Variants in COG3 observed in about 807,000 individuals in gnomAD.
COG3 encodes the protein component of oligomeric golgi complex 3, also known as conserved oligomeric Golgi complex subunit 3.
In COG3, 32 loss-of-function variants were observed where a neutral mutation model predicts 114.1. The ratio of observed to expected loss-of-function variants is 0.28; its 90% CI spans 0.21 to 0.38. The LOEUF is 0.38. Ranked by LOEUF, COG3 falls within the 10% of genes least tolerant of loss-of-function variation. The probability of loss-of-function intolerance (pLI) is 1.00; values close to 1 mark genes in which losing one functional copy is unlikely to be tolerated. For synonymous variants in COG3, 352 were observed against 365.7 expected (o/e 0.96, Z 0.43); for missense variants, 813 against 973.2 (o/e 0.84, Z 2.19).
At chr13:45,515,503 A>G (rs1184309721) in intron 16 of COG3, among the ~76,000 whole-genome samples, 2 of 152,176 alleles carry the variant, frequency 1.3e-5, no homozygotes, top group Non-Finnish European at 2.9e-5. Flanking sequence ...ATTATTCAGT[A>G]TTTGAGGATT....
At position 45,497,815 on chromosome 13, in the gene COG3, CAACA is replaced by C. The variant is rs1184628956; in HGVS notation, c.1488+1506_1488+1509del. Among the ~76,000 whole-genome samples, 1,066 of 143,136 alleles carry C rather than the reference CAACA, an allele frequency of 7.4e-3. 14 individuals are homozygous for C. The highest frequency in any genetic ancestry group is 0.029 in the African/African-American group (984 of 33,524). 93.9% of individuals were successfully genotyped at this position (143,136 alleles called of 152,430 possible). A position where few individuals can be genotyped will look rare whatever the true frequency, so the allele number is the denominator to read the frequency against. On this transcript the variant is annotated intron_variant, in intron 13 of 22. Transcript: ENST00000349995. ...ACAACAACAACAACAACAACAACAA[CAACA>C]AAGTATGACCACTCAAGGCTAAGCA... is the stretch of plus-strand genomic sequence containing the variant.
intron 13 of COG3, among the ~76,000 whole-genome samples, chr13:45,500,059 T>TGAGA (rs879489399): frequency 5.6e-5 from 3 of 53,192 alleles, no homozygotes; most frequent in Non-Finnish European, 1.0e-4. Context: ...TGTGTGTGTG[T>TGAGA]GTGTGTGAGT....
chr13:45,474,147 T>C, intron 1 of COG3, among the ~76,000 whole-genome samples: 1 of 130,588 alleles, frequency 7.7e-6, no homozygotes, highest in Admixed American at 9.7e-5. Flanking sequence ...TTTTCTTTTT[T>C]ACTCTTTTTT....
chr13:45,500,094 G>GTGTGTGTGTGTGTATATATATA, intron 13 of COG3, among the ~76,000 whole-genome samples: 1 of 114,890 alleles, frequency 8.7e-6, no homozygotes, highest in African/African-American at 3.5e-5. Flanking sequence ...GTGTGTGTGT[G>GTGTGTGTGTGTGTATATATATA]TATATATATA....
intron 16 of COG3, among the ~76,000 whole-genome samples, chr13:45,512,777 G>A (rs1871012039): frequency 6.6e-6 from 1 of 151,838 alleles, no homozygotes; most frequent in African/African-American, 2.4e-5. Context: ...CAGGTACCTG[G>A]CTAAATTTTT....
intron 22 of COG3, among the ~76,000 whole-genome samples, chr13:45,533,391 C>T (rs1873340072): frequency 6.6e-6 from 1 of 151,932 alleles, no homozygotes. Context: ...TATCCTTTAC[C>T]CCATTTTCAT....
At chr13:45,489,249 T>G (rs889763431) in intron 8 of COG3, among the ~76,000 whole-genome samples, 1 of 25,268 alleles carries the variant, frequency 4.0e-5, no homozygotes, top group Non-Finnish European at 7.2e-5. Context: ...TTTGACAAAG[T>G]GAGACCCAGC....
At chr13:45,486,449 G>T in intron 7 of COG3, 46 bp from the exon 8 acceptor site, 1 of 1,200,330 alleles carries the variant, frequency 8.3e-7, no homozygotes, top group Non-Finnish European at 1.2e-6. Context: ...TGAATTATTT[G>T]TTTGCTAATT....
At position 45,511,810 on chromosome 13, in the gene COG3, A is replaced by C. The variant is rs552525063; in HGVS notation, c.1765A>C (p.Ile589Leu). 2 of 1,614,072 alleles carry C rather than the reference A, an allele frequency of 1.2e-6. No homozygotes were observed. The highest frequency in any genetic ancestry group is 1.7e-5 in the Admixed American group (1 of 60,018). The change falls in exon 16 of 23, where the codon ATT becomes CTT. Residue 589 changes from isoleucine (I) to leucine (L), a missense_variant. Ile to Leu is a conservative substitution (Grantham distance 5). Around this residue, in one of 2 missense-constraint regions of COG3, gnomAD observed 389 missense variants for 542.6 expected, o/e 0.72. Coordinates refer to ENST00000349995, the MANE Select transcript of COG3 (RefSeq NM_031431.4). ...ATCACAGGAAGCATTGTCTGCCTGC[A>C]TTCAGTCCTTACTTGGAGCGTCAGA... Reference protein sequence around the residue: ...GLSQEALSACIQSLLGASESI... With the variant: ...GLSQEALSACLQSLLGASESI...
intron 22 of COG3, 37 bp downstream of exon 22, chr13:45,530,817 C>T: frequency 6.3e-7 from 1 of 1,593,708 alleles, no homozygotes; most frequent in South Asian, 1.1e-5. Context: ...TACTTTTATG[C>T]CCTCTTGGTT....
In COG3 at chr13:45,489,356, A is replaced by G. The variant is rs576795155; in HGVS notation, c.925-1559A>G. Among the ~76,000 whole-genome samples, 41 of 148,682 alleles carry G rather than the reference A, an allele frequency of 2.8e-4. No homozygotes were observed. In the Middle Eastern group the frequency reaches 0.014, roughly 50 times the overall value. ...TGTTTATAGAATATATATGTGGAAT[A>G]TGTATACAACCTAGATGTCTAACAG... On this transcript the variant is annotated intron_variant, in intron 8 of 22. Coordinates refer to ENST00000349995, the MANE Select transcript of COG3 (RefSeq NM_031431.4).
At chr13:45,487,948 C>A (rs906689065) in intron 8 of COG3, among the ~76,000 whole-genome samples, 3 of 152,040 alleles carry the variant, frequency 2.0e-5, no homozygotes, top group Non-Finnish European at 2.9e-5. Context: ...CAGCACTATT[C>A]GCAATAGTAA....
intron 13 of COG3, among the ~76,000 whole-genome samples, chr13:45,500,516 A>G (rs1252552215): frequency 6.6e-6 from 1 of 152,180 alleles, no homozygotes; most frequent in Non-Finnish European, 1.5e-5. Flanking sequence ...TGGATGTCAA[A>G]TGTCCTAATT....
In COG3 at chr13:45,501,749, G is replaced by A. The variant is rs867542269; in HGVS notation, c.1489-1495G>A. Among the ~76,000 whole-genome samples, 12 of 152,246 alleles carry A rather than the reference G, an allele frequency of 7.9e-5. No individual in the cohort carries two copies. In the South Asian group the frequency reaches 1.2e-3, roughly 16 times the overall value. On this transcript the variant is annotated intron_variant, in intron 13 of 22. Coordinates refer to ENST00000349995, the MANE Select transcript of COG3 (RefSeq NM_031431.4). Reference sequence around the variant, plus strand: ...TATGTGTGTGTACTAGATCATTCCTGTTGCTCCAAATCCTCACCAGCATTT... The same window carrying A: ...TATGTGTGTGTACTAGATCATTCCTATTGCTCCAAATCCTCACCAGCATTT...
chr13:45,496,062 G>A (rs1868725242), intron 12 of COG3, 90 bp from the exon 13 acceptor site: 1 of 1,356,994 alleles, frequency 7.4e-7, no homozygotes, highest in Non-Finnish European at 1.0e-6. Context: ...GGTTCATACT[G>A]TTTCTGAACA....
At chr13:45,484,813 T>C (rs1593690199) in intron 7 of COG3, among the ~76,000 whole-genome samples, 2 of 145,632 alleles carry the variant, frequency 1.4e-5, no homozygotes, top group Non-Finnish European at 1.5e-5. Flanking sequence ...TTAACGAGCA[T>C]GCTGCCTTCA....
intron 7 of COG3, 112 bp downstream of exon 7, chr13:45,483,467 C>A: frequency 1.3e-6 from 1 of 752,526 alleles, no homozygotes; most frequent in East Asian, 3.0e-5. Flanking sequence ...AAAATTTTAA[C>A]CTTTTGTTAA....
rs1873476640 is a variant in COG3, at chr13:45,535,287, G to A, written c.*556G>A. ...ACACATTCTGCCTTCCTGGGAAGTCGGGGTGTCATCCTTTCCTCTGTTTGA... is the reference window on the plus strand; with the variant it reads ...ACACATTCTGCCTTCCTGGGAAGTCAGGGTGTCATCCTTTCCTCTGTTTGA... On this transcript the variant is annotated 3_prime_UTR_variant, in exon 23 of 23. Coordinates refer to ENST00000349995, the MANE Select transcript of COG3 (RefSeq NM_031431.4). 26 of 985,408 alleles carry A rather than the reference G, an allele frequency of 2.6e-5. No homozygotes were observed. The highest frequency in any genetic ancestry group is 3.0e-5 in the Non-Finnish European group (25 of 829,942). 61.0% of individuals were successfully genotyped at this position (985,408 alleles called of 1,614,324 possible). A position where few individuals can be genotyped will look rare whatever the true frequency, so the allele number is the denominator to read the frequency against.
chr13:45,488,169 A>T (rs1262899555), intron 8 of COG3, among the ~76,000 whole-genome samples: 3 of 152,198 alleles, frequency 2.0e-5, no homozygotes, highest in Non-Finnish European at 4.4e-5. Context: ...GTGGGAACTA[A>T]AAAAGTTGGT....
Sources: gnomAD v4.1 joint callset for allele counts (sites outside exome capture counted in the v4.1 genomes callset) on GRCh38, gnomAD v4.1.1 for gene constraint, gnomAD v4.1.1 regional missense constraint, MANE v1.5 for transcripts, NCBI Gene and HGNC (gene_info 2026-07-23, HGNC 2026-07-21) for gene names.